The following ALK variants were observed in gnomAD, a reference collection of about 807,000 sequenced individuals.
The protein encoded by ALK is ALK receptor tyrosine kinase, also known as ALK tyrosine kinase receptor.
A neutral mutation model predicts 163.1 loss-of-function variants in ALK; 74 were observed. The ratio of observed to expected loss-of-function variants is 0.45; its 90% confidence interval spans 0.38 to 0.55. The LOEUF (loss-of-function observed/expected upper bound fraction) is 0.55. Ranked by LOEUF, ALK falls within the 20% of genes least tolerant of loss-of-function variation. ALK has a pLI of 0.00. For synonymous variants in ALK, 960 were observed against 843.2 expected, an observed-to-expected ratio of 1.14 and a Z score of -2.40; for missense variants, 2,063 against 2,105.3, an observed-to-expected ratio of 0.98 and a Z score of 0.39.
chr2:29,920,385 G>A lies in ALK; in HGVS notation c.275C>T (p.Ala92Val), dbSNP rs1667961757. ...AGRPEARGSL[A>V]LDCAPLLRLL... ...CCTGAGCAGCGGGGCGCAGTCCAGA[G>A]CTAGCGAGCCGCGGGCCTCGGGCCT... Residue 92 changes from alanine (A) to valine (V), a missense_variant, in exon 1 of 29, where the codon GCT becomes GTT. Around this residue, in one of 5 missense-constraint regions of ALK, gnomAD observed 987 missense variants for 939.5 expected, o/e 1.05. Coordinates refer to ENST00000389048, the MANE Select transcript of ALK (RefSeq NM_004304.5). The A allele has an allele frequency of 1.3e-6, 2 of 1,564,542 alleles. No homozygotes were observed. The highest frequency in any genetic ancestry group is 2.3e-5 in the South Asian group (2 of 85,396).
chr2:29,831,118 A>AGAAGGGGAAGAAGGGGAAGAAGGG lies in ALK; in HGVS notation c.667+88874_667+88875insCCCTTCTTCCCCTTCTTCCCCTTC, dbSNP rs1346973183. ...GAGGAGGAGGAGGAGGAGAAGAAGA[A>AGAAGGGGAAGAAGGGGAAGAAGGG]GAAGAAGGGGAAGAAGGGGAAGAAG... is the stretch of plus-strand genomic sequence containing the variant. On this transcript the variant is annotated intron_variant, in intron 1 of 28. Transcript: ENST00000389048. 1.1e-4 allele frequency among the ~76,000 whole-genome samples: 6 copies of AGAAGGGGAAGAAGGGGAAGAAGGG among 55,510 alleles called. 1 individual carries two copies. Among genetic ancestry groups the AGAAGGGGAAGAAGGGGAAGAAGGG allele is most frequent in the African/African-American group, 4.4e-4 (6 of 13,542 alleles). 36.4% of individuals were successfully genotyped at this position (55,510 alleles called of 152,430 possible).
Position 29,675,839 on chromosome 2 carries a change from TTTTG to T in ALK, c.952+19007_952+19010del, listed in dbSNP as rs535911003. On this transcript the variant is annotated intron_variant, in intron 3 of 28. Transcript: ENST00000389048. ...GTGCAATGTGAGCTTTAGTGTATTA[TTTTG>T]TTTAATTCTTATTAAATCCCCTTGA... Among the ~76,000 whole-genome samples, 355 of 152,134 alleles carry T rather than the reference TTTTG, an allele frequency of 2.3e-3. 3 individuals are homozygous for T. The highest frequency in any genetic ancestry group is 8.2e-3 in the African/African-American group (339 of 41,534).
intron 3 of ALK, among the ~76,000 whole-genome samples, chr2:29,557,306 G>C (rs571445083): frequency 8.0e-4 from 122 of 152,302 alleles, no homozygotes; most frequent in African/African-American, 2.6e-3. Flanking sequence ...CATATTGAAA[G>C]TGCTTGATTC....
chr2:29,629,602 C>T (rs1676298445), intron 3 of ALK, among the ~76,000 whole-genome samples: 1 of 152,158 alleles, frequency 6.6e-6, no homozygotes, highest in African/African-American at 2.4e-5. Flanking sequence ...AAATCATAAT[C>T]CAAGGCATTT....
At chr2:29,568,888 G>C (rs1270676660) in intron 3 of ALK, among the ~76,000 whole-genome samples, 1 of 152,042 alleles carries the variant, frequency 6.6e-6, no homozygotes, top group Non-Finnish European at 1.5e-5. Context: ...ACTTTGAACT[G>C]ACCCTTGTGT....
intron 1 of ALK, among the ~76,000 whole-genome samples, chr2:29,827,880 G>C (rs201449860): frequency 1.2e-4 from 18 of 152,270 alleles, no homozygotes; most frequent in East Asian, 5.8e-4. Flanking sequence ...GCCAAAAGAA[G>C]AAAGCTGGAG....
intron 1 of ALK, chr2:29,891,045 TTTC>T (rs1667130926): frequency 6.6e-6 from 1 of 152,206 alleles, no homozygotes; most frequent in Non-Finnish European, 1.5e-5. Flanking sequence ...ATAGTAATAT[TTTC>T]TTCAAGGGGG....
chr2:29,546,046 A>G (rs542813472), intron 3 of ALK, among the ~76,000 whole-genome samples: 3 of 152,330 alleles, frequency 2.0e-5, no homozygotes, highest in East Asian at 3.9e-4. Context: ...GTGTGCGTAT[A>G]TACGTGTACA....
At chr2:29,448,224 T>A (rs948123271) in intron 4 of ALK, among the ~76,000 whole-genome samples, 1 of 152,228 alleles carries the variant, frequency 6.6e-6, no homozygotes, top group African/African-American at 2.4e-5. Flanking sequence ...GTGCTGAAAC[T>A]GCTGGAAACC....
Position 29,571,602 on chromosome 2 carries a change from C to CTTTTTTTTTTTTTTTTTTTTTTTTTTT in ALK, c.953-39513_953-39487dup, listed in dbSNP as rs60429543. On this transcript the variant is annotated intron_variant, in intron 3 of 28. Transcript: ENST00000389048. ...TAAATTACCTAGTCTTGGCTCATAT[C>CTTTTTTTTTTTTTTTTTTTTTTTTTTT]TTTTTTTTTTTTTTTTTTTTTTTTT... Among the ~76,000 whole-genome samples the CTTTTTTTTTTTTTTTTTTTTTTTTTTT allele has an allele frequency of 2.2e-4, 15 of 68,528 alleles. 3 individuals carry two copies. Among genetic ancestry groups the CTTTTTTTTTTTTTTTTTTTTTTTTTTT allele is most frequent in the South Asian group, 8.2e-4 (2 of 2,436 alleles). 45.0% of individuals were successfully genotyped at this position (68,528 alleles called of 152,430 possible). A position where few individuals can be genotyped will look rare whatever the true frequency, so the allele number is the denominator to read the frequency against.
intron 9 of ALK, among the ~76,000 whole-genome samples, chr2:29,289,283 G>T (rs1665954186): frequency 6.6e-6 from 1 of 152,182 alleles, no homozygotes; most frequent in East Asian, 1.9e-4. Context: ...GGCTGCTGAT[G>T]AAGCCAGGGA....
At chr2:29,601,896 T>C (rs1675388978) in intron 3 of ALK, among the ~76,000 whole-genome samples, 1 of 151,746 alleles carries the variant, frequency 6.6e-6, no homozygotes, top group Non-Finnish European at 1.5e-5. Flanking sequence ...GAGAGAAGCA[T>C]GTTCAAGCTG....
rs573128254 is a variant in ALK at position 29,751,305 on chromosome 2, T to TA, written c.668-33609dup. 5.0e-3 allele frequency among the ~76,000 whole-genome samples: 756 copies of TA among 152,280 alleles called. 9 individuals are homozygous for TA. Among genetic ancestry groups the TA allele is most frequent in the African/African-American group, 0.01 (421 of 41,556 alleles). ...CACTTAAGCTACACTAAATTTATTT[T>TA]AAAAAAATTAATTGTGCTAGGACAT... On this transcript the variant is annotated intron_variant, in intron 1 of 28. Transcript: ENST00000389048.
chr2:29,905,494 T>C (rs943614167), intron 1 of ALK, among the ~76,000 whole-genome samples: 1 of 151,192 alleles, frequency 6.6e-6, no homozygotes, highest in Non-Finnish European at 1.5e-5. Context: ...AATTATGGTG[T>C]CAAGATTAAT....
chr2:29,726,981 C>G (rs528884376), intron 1 of ALK, among the ~76,000 whole-genome samples: 1 of 152,300 alleles, frequency 6.6e-6, no homozygotes, highest in East Asian at 1.9e-4. Context: ...TGATGATTCT[C>G]CTGGGGAACA....
chr2:29,322,572 G>A (rs919382007), intron 6 of ALK, among the ~76,000 whole-genome samples: 3 of 152,208 alleles, frequency 2.0e-5, no homozygotes, highest in Admixed American at 6.5e-5. Context: ...GGTGGCTCAC[G>A]CCTGCAATCC....
At chr2:29,436,605 C>G (rs1430636260) in intron 4 of ALK, among the ~76,000 whole-genome samples, 3 of 152,196 alleles carry the variant, frequency 2.0e-5, no homozygotes, top group Non-Finnish European at 4.4e-5. Context: ...AGAAAAGCCC[C>G]TTTCAACAGA....
intron 2 of ALK, among the ~76,000 whole-genome samples, chr2:29,700,255 A>T (rs752425898): frequency 2.6e-5 from 4 of 152,200 alleles, no homozygotes; most frequent in Admixed American, 6.5e-5. Context: ...TCAAAGAATT[A>T]AAAAGCTTGG....
chr2:29,689,140 G>A (rs1342670021), intron 3 of ALK, among the ~76,000 whole-genome samples: 2 of 148,394 alleles, frequency 1.3e-5, no homozygotes, highest in African/African-American at 5.3e-5. Context: ...GTAGGTGTCA[G>A]AGGTCCCCAT....
Sources: gnomAD v4.1 joint callset for allele counts (sites outside exome capture counted in the v4.1 genomes callset) on GRCh38, gnomAD v4.1.1 for gene constraint, gnomAD v4.1.1 regional missense constraint, MANE v1.5 for transcripts, NCBI Gene and HGNC (gene_info 2026-07-23, HGNC 2026-07-21) for gene names.